SPRED1: variants seen among roughly 807,000 people sequenced by gnomAD.
SPRED1 encodes the protein sprouty related EVH1 domain containing 1, also known as sprouty-related, EVH1 domain-containing protein 1.
A neutral mutation model predicts 52.3 loss-of-function variants in SPRED1; 18 were observed. The ratio of observed to expected loss-of-function variants is 0.34; its 90% CI spans 0.24 to 0.51. SPRED1 has a LOEUF of 0.51. Among genes scored for constraint, SPRED1 ranks in the 20% least tolerant of loss-of-function variants. The probability of loss-of-function intolerance (pLI) is 0.97; values close to 1 mark genes in which losing one functional copy is unlikely to be tolerated. For missense variants in SPRED1, 485 were observed against 551.0 expected (o/e 0.88, Z 1.20); for synonymous variants, 155 against 179.7 (o/e 0.86, Z 1.10).
At chr15:38,320,847 C>T (rs917512867) in intron 2 of SPRED1, among the ~76,000 whole-genome samples, 1 of 152,086 alleles carries the variant, frequency 6.6e-6, no homozygotes, top group African/African-American at 2.4e-5. Flanking sequence ...TGACAACTAA[C>T]ATATATTAAA....
At position 38,324,846 on chromosome 15, in the gene SPRED1, G is replaced by A. The variant is rs1164867435; in HGVS notation, c.423+37G>A. On this transcript the variant is annotated intron_variant, in intron 4 of 6. Transcript: ENST00000299084. ...CTTGGAAGGAATTTGTAAACATAAA[G>A]GATGTGGAAGAAATCACTAGCCTTA... The A allele has an allele frequency of 2.6e-6, 4 of 1,540,312 alleles. No individual in the cohort carries two copies. In the African/African-American group the frequency reaches 5.4e-5, roughly 21 times the overall value.
intron 1 of SPRED1, among the ~76,000 whole-genome samples, chr15:38,254,043 C>A (rs1356252044): frequency 6.6e-6 from 1 of 152,088 alleles, no homozygotes; most frequent in African/African-American, 2.4e-5. Context: ...AATACTTCGT[C>A]TTTTAAATGT....
Position 38,339,820 on chromosome 15 carries a change from A to C in SPRED1, c.507A>C (p.Arg169Ser), listed in dbSNP as rs759158378. Residue 169 changes from arginine to serine, a missense_variant, in exon 5 of 7, where the codon AGA becomes AGC. By Grantham distance (110) the Arg-to-Ser change is moderately radical. This residue lies in a region of SPRED1 where 232 missense variants were observed against 231.8 expected (regional missense o/e 1.00). Transcript: ENST00000299084. Reference protein sequence around the residue: ...QETVVTSEPYRSSNIRPSPFE... With the variant: ...QETVVTSEPYSSSNIRPSPFE... Reference sequence around the variant, plus strand: ...CAGTTGTTACCAGTGAGCCTTATAGAAGCTCAAATATAAGACCTTCTCCCT... The same window carrying C: ...CAGTTGTTACCAGTGAGCCTTATAGCAGCTCAAATATAAGACCTTCTCCCT... 4 of 1,613,974 alleles carry C rather than the reference A, an allele frequency of 2.5e-6. No homozygotes were observed. The South Asian group carries it at 4.4e-5, about 18-fold the overall frequency.
chr15:38,293,248 C>A (rs761979951), intron 1 of SPRED1, among the ~76,000 whole-genome samples: 1 of 151,798 alleles, frequency 6.6e-6, no homozygotes, highest in Admixed American at 6.6e-5. Context: ...TACAGGCACA[C>A]GCCACTACGC....
At chr15:38,266,635 T>C (rs1472418184) in intron 1 of SPRED1, among the ~76,000 whole-genome samples, 1 of 144,014 alleles carries the variant, frequency 6.9e-6, no homozygotes, top group African/African-American at 2.5e-5. Flanking sequence ...AGTGAGACTC[T>C]GTCTCAAAAA....
intron 1 of SPRED1, among the ~76,000 whole-genome samples, chr15:38,294,049 A>G (rs938566879): frequency 6.6e-6 from 1 of 152,154 alleles, no homozygotes. Context: ...TGAATAGATT[A>G]TTGAGTAGTA....
At chr15:38,287,658 C>A (rs1381422676) in intron 1 of SPRED1, among the ~76,000 whole-genome samples, 1 of 152,134 alleles carries the variant, frequency 6.6e-6, no homozygotes, top group East Asian at 1.9e-4. Flanking sequence ...AAAATTGCAT[C>A]TTTACTGAAC....
chr15:38,270,448 G>A (rs545945262), intron 1 of SPRED1, among the ~76,000 whole-genome samples: 10 of 152,238 alleles, frequency 6.6e-5, no homozygotes, highest in African/African-American at 2.4e-4. Flanking sequence ...ATCTGAGATG[G>A]GTAATTATTA....
chr15:38,259,074 A>G (rs1446704331), intron 1 of SPRED1, among the ~76,000 whole-genome samples: 1 of 152,206 alleles, frequency 6.6e-6, no homozygotes, highest in East Asian at 1.9e-4. Flanking sequence ...ATACTTAAAC[A>G]AAAGACTTAA....
intron 1 of SPRED1, among the ~76,000 whole-genome samples, chr15:38,292,848 A>G (rs956152352): frequency 3.9e-5 from 6 of 152,164 alleles, no homozygotes; most frequent in South Asian, 4.1e-4. Context: ...TTTATACAAG[A>G]TCATCATAAA....
At chr15:38,284,004 AG>A (rs1774793265) in intron 1 of SPRED1, among the ~76,000 whole-genome samples, 1 of 152,216 alleles carries the variant, frequency 6.6e-6, no homozygotes, top group Admixed American at 6.5e-5. Context: ...TTATAAAAGA[AG>A]AAAATAAAGA....
intron 2 of SPRED1, among the ~76,000 whole-genome samples, chr15:38,304,066 G>A (rs950872626): frequency 6.6e-6 from 1 of 152,106 alleles, no homozygotes; most frequent in African/African-American, 2.4e-5. Context: ...TTAAAAATAA[G>A]GTTTCTTTCC....
intron 4 of SPRED1, among the ~76,000 whole-genome samples, chr15:38,327,748 A>G (rs1247804810): frequency 6.6e-6 from 1 of 152,230 alleles, no homozygotes; most frequent in Non-Finnish European, 1.5e-5. Flanking sequence ...TCACCCAGCT[A>G]AATTGGTCCC....
In SPRED1 at chr15:38,351,949, A is replaced by G. The variant is rs1368288607; in HGVS notation, c.*285A>G. ...ATAAAATATGATCCAACTAAAAGGG[A>G]TTAATTTTTGGCATTTTTGTATATT... is the stretch of plus-strand genomic sequence containing the variant. On this transcript the variant is annotated 3_prime_UTR_variant, in exon 7 of 7. Coordinates refer to ENST00000299084, the MANE Select transcript of SPRED1 (RefSeq NM_152594.3). 4.2e-6 allele frequency: 2 copies of G among 470,962 alleles called. No individual in the cohort carries two copies. The highest frequency in any genetic ancestry group is 3.9e-5 in the African/African-American group (2 of 51,008). The allele number at this position is 470,962 out of a possible 1,614,324, so 29.2% of individuals were successfully genotyped here.
chr15:38,334,044 C>T (rs1895859477), intron 4 of SPRED1, among the ~76,000 whole-genome samples: 1 of 151,910 alleles, frequency 6.6e-6, no homozygotes, highest in African/African-American at 2.4e-5. Flanking sequence ...TTGAGACTGT[C>T]TGATACACAG....
At chr15:38,348,252 C>T (rs1173929657) in intron 5 of SPRED1, among the ~76,000 whole-genome samples, 4 of 151,904 alleles carry the variant, frequency 2.6e-5, no homozygotes, top group East Asian at 3.8e-4. Flanking sequence ...TACTTCAAGT[C>T]GCATTTCCTT....
In SPRED1 at chr15:38,272,373, A is replaced by G. The variant is rs1004777353; in HGVS notation, c.32+19156A>G. Reference sequence around the variant, plus strand: ...AACTTCTGCCTCCCAGGTTCAAGCCATTTTCCTGCCTCAGCCTCCCAAGTA... The same window carrying G: ...AACTTCTGCCTCCCAGGTTCAAGCCGTTTTCCTGCCTCAGCCTCCCAAGTA... On this transcript the variant is annotated intron_variant, in intron 1 of 6. Transcript: ENST00000299084. 1.9e-4 allele frequency among the ~76,000 whole-genome samples: 28 copies of G among 147,052 alleles called. 1 individual carries two copies. The highest frequency in any genetic ancestry group is 7.0e-4 in the African/African-American group (28 of 39,940).
At chr15:38,260,671 A>T (rs1220298627) in intron 1 of SPRED1, among the ~76,000 whole-genome samples, 1 of 152,220 alleles carries the variant, frequency 6.6e-6, no homozygotes, top group African/African-American at 2.4e-5. Flanking sequence ...CAAAATGAAA[A>T]ATATTTCAAT....
chr15:38,271,444 A>T (rs1170659141), intron 1 of SPRED1, among the ~76,000 whole-genome samples: 1 of 152,082 alleles, frequency 6.6e-6, no homozygotes, highest in Non-Finnish European at 1.5e-5. Context: ...TAGGTTTGAC[A>T]GTCATTAATG....
Sources: gnomAD v4.1 joint callset for allele counts (sites outside exome capture counted in the v4.1 genomes callset) on GRCh38, gnomAD v4.1.1 for gene constraint, gnomAD v4.1.1 regional missense constraint, MANE v1.5 for transcripts, NCBI Gene and HGNC (gene_info 2026-07-23, HGNC 2026-07-21) for gene names.